ERC2: variants seen among roughly 807,000 people sequenced by gnomAD.
ERC2 encodes ERC protein 2.
Under a neutral mutation model 114.8 loss-of-function variants are expected in ERC2, and 42 were observed. The ratio of observed to expected loss-of-function variants is 0.37; its 90% confidence interval spans 0.29 to 0.47. The LOEUF (loss-of-function observed/expected upper bound fraction) is 0.47, where lower values mean the gene tolerates loss of function less well. Among genes scored for constraint, ERC2 ranks in the 20% least tolerant of loss-of-function variants. ERC2 has a pLI of 0.99. For missense variants in ERC2, 939 were observed against 1,150.7 expected (o/e 0.82, Z 2.66); for synonymous variants, 454 against 425.5 (o/e 1.07, Z -0.82).
At chr3:56,104,112 G>T (rs192283258) in intron 6 of ERC2, among the ~76,000 whole-genome samples, 1 of 151,912 alleles carries the variant, frequency 6.6e-6, no homozygotes, top group Non-Finnish European at 1.5e-5. Flanking sequence ...CATCTTTGTC[G>T]CTATGACTTA....
intron 17 of ERC2, among the ~76,000 whole-genome samples, chr3:55,612,475 G>A (rs1415743225): frequency 6.6e-6 from 1 of 152,134 alleles, no homozygotes; most frequent in African/African-American, 2.4e-5. Context: ...GTGGACTCCT[G>A]GTTCAGGTAG....
At chr3:56,092,325 A>G (rs1560159767) in intron 6 of ERC2, among the ~76,000 whole-genome samples, 1 of 152,164 alleles carries the variant, frequency 6.6e-6, no homozygotes, top group African/African-American at 2.4e-5. Context: ...TATCACCTAC[A>G]TGGGAGAATT....
intron 17 of ERC2, among the ~76,000 whole-genome samples, chr3:55,598,731 G>T (rs1173120064): frequency 7.2e-5 from 11 of 152,260 alleles, no homozygotes; most frequent in Admixed American, 5.9e-4. Context: ...GCCAATGCCA[G>T]ATGTATTTGT....
intron 14 of ERC2, among the ~76,000 whole-genome samples, chr3:55,857,241 G>A (rs554657909): frequency 2.0e-5 from 3 of 152,138 alleles, no homozygotes; most frequent in Admixed American, 6.5e-5. Flanking sequence ...TGACAGGGAA[G>A]ACACTATTTA....
chr3:55,799,462 TA>T (rs2070860472), intron 14 of ERC2, among the ~76,000 whole-genome samples: 3 of 98,456 alleles, frequency 3.0e-5, no homozygotes, highest in Non-Finnish European at 6.7e-5. Context: ...TATATATATA[TA>T]TATATATATA....
chr3:55,550,745 A>ATG (rs1559638034), intron 17 of ERC2, among the ~76,000 whole-genome samples: 2 of 152,144 alleles, frequency 1.3e-5, no homozygotes, highest in Non-Finnish European at 2.9e-5. Flanking sequence ...GGCCGGGCGC[A>ATG]GTGGCTCACG....
At chr3:55,991,145 G>T (rs2071030087) in intron 11 of ERC2, among the ~76,000 whole-genome samples, 1 of 152,166 alleles carries the variant, frequency 6.6e-6, no homozygotes, top group Admixed American at 6.5e-5. Flanking sequence ...CTTTCCACAA[G>T]ATGATAGAGA....
intron 17 of ERC2, among the ~76,000 whole-genome samples, chr3:55,538,182 C>T (rs1014036551): frequency 2.6e-5 from 4 of 152,196 alleles, no homozygotes; most frequent in Non-Finnish European, 5.9e-5. Flanking sequence ...CACATCAACC[C>T]GTGAGATTTT....
At chr3:56,335,776 T>C (rs573875767) in intron 2 of ERC2, among the ~76,000 whole-genome samples, 9 of 152,120 alleles carry the variant, frequency 5.9e-5, no homozygotes, top group Non-Finnish European at 1.2e-4. Flanking sequence ...GACAGAAAAA[T>C]AACACTGTGT....
At chr3:55,604,160 C>T (rs1337126776) in intron 17 of ERC2, among the ~76,000 whole-genome samples, 2 of 152,046 alleles carry the variant, frequency 1.3e-5, no homozygotes, top group Non-Finnish European at 2.9e-5. Context: ...TTTGGATTTG[C>T]AGAATCTCTT....
intron 2 of ERC2, among the ~76,000 whole-genome samples, chr3:56,386,016 A>G (rs1246311716): frequency 2.0e-5 from 3 of 152,178 alleles, no homozygotes; most frequent in African/African-American, 4.8e-5. Flanking sequence ...ATGGCTTCAA[A>G]GTCATCTCAG....
intron 8 of ERC2, 139 bp from the exon 9 acceptor site, chr3:56,010,728 AT>A: frequency 1.0e-6 from 1 of 968,526 alleles, no homozygotes; most frequent in African/African-American, 1.6e-5. Context: ...TCAAAATTGG[AT>A]TCGTGGGGAG....
chr3:55,940,761 T>G (rs1228558273), intron 13 of ERC2, among the ~76,000 whole-genome samples: 1 of 152,182 alleles, frequency 6.6e-6, no homozygotes, highest in Admixed American at 6.5e-5. Context: ...TTACACACAT[T>G]TAAGAAGCAT....
chr3:56,355,301 T>A (rs553021435), intron 2 of ERC2, among the ~76,000 whole-genome samples: 1 of 150,102 alleles, frequency 6.7e-6, no homozygotes, highest in Admixed American at 6.7e-5. Flanking sequence ...TTTTCTTGTT[T>A]TCTTTTTCTT....
At chr3:55,884,456 C>CTT (rs941612514) in intron 14 of ERC2, among the ~76,000 whole-genome samples, 13 of 151,960 alleles carry the variant, frequency 8.6e-5, no homozygotes, top group African/African-American at 2.9e-4. Flanking sequence ...TATACTGCCT[C>CTT]TTTTTTTTCC....
At chr3:56,350,034 T>C (rs1285843488) in intron 2 of ERC2, among the ~76,000 whole-genome samples, 1 of 152,000 alleles carries the variant, frequency 6.6e-6, no homozygotes. Context: ...CAGGCACATA[T>C]ACCCCTGAAA....
At chr3:56,343,857 GC>G (rs1481732069) in intron 2 of ERC2, among the ~76,000 whole-genome samples, 13 of 152,106 alleles carry the variant, frequency 8.5e-5, no homozygotes, top group Non-Finnish European at 1.8e-4. Flanking sequence ...ACAAAGTCTT[GC>G]CCTTGTTACC....
At chr3:55,894,112 A>G (rs1268224240) in intron 13 of ERC2, among the ~76,000 whole-genome samples, 1 of 152,036 alleles carries the variant, frequency 6.6e-6, no homozygotes. Flanking sequence ...GTATAAATTC[A>G]CTCTAAGTGA....
rs1339071268 is a variant in ERC2 at position 55,852,742 on chromosome 3, C to A, written c.2564+35647G>T. On this transcript the variant is annotated intron_variant, in intron 14 of 17. Coordinates refer to ENST00000288221, the MANE Select transcript of ERC2 (RefSeq NM_015576.3). Reference sequence around the variant, plus strand: ...ATAACTGAACTCTCAACATTTAAGACATTTCACTAAATTAGTAATAAATTG... The same window carrying A: ...ATAACTGAACTCTCAACATTTAAGAAATTTCACTAAATTAGTAATAAATTG... 2.6e-5 allele frequency: 4 copies of A among 152,626 alleles called. No individual in the cohort carries two copies. In the East Asian group the frequency reaches 7.7e-4, roughly 29 times the overall value. The allele number at this position is 152,626 out of a possible 1,614,324, so 9.5% of individuals were successfully genotyped here.
Sources: allele counts gnomAD v4.1 joint callset (sites outside exome capture counted in the v4.1 genomes callset), GRCh38; gene constraint gnomAD v4.1.1; transcripts MANE v1.5; gene names NCBI Gene and HGNC (gene_info 2026-07-23, HGNC 2026-07-21).